The following SUN3 variants were observed in gnomAD, a reference collection of about 807,000 sequenced individuals.
The protein encoded by SUN3 is Sad1 and UNC84 domain containing 3, also known as SUN domain-containing protein 3.
SUN3 carries 36 observed loss-of-function variants against 48.2 expected under a neutral mutation model. That is an observed-to-expected ratio of 0.75 (90% CI 0.57 to 0.99). SUN3 has a LOEUF of 0.99. Ranked by LOEUF, SUN3 falls within the 50% of genes least tolerant of loss-of-function variation. SUN3 has a pLI of 0.00. For missense variants in SUN3, 419 were observed against 433.1 expected (o/e 0.97, Z 0.29); for synonymous variants, 148 against 147.9 (o/e 1.00, Z 0.00).
At chr7:47,993,455 C>T (rs955666965) in intron 8 of SUN3, among the ~76,000 whole-genome samples, 9 of 152,034 alleles carry the variant, frequency 5.9e-5, no homozygotes, top group Admixed American at 3.9e-4. Context: ...TATATCCATA[C>T]AATGAAATGT....
intron 6 of SUN3, among the ~76,000 whole-genome samples, chr7:48,003,630 A>G (rs538493222): frequency 1.3e-5 from 2 of 152,266 alleles, no homozygotes; most frequent in Admixed American, 1.3e-4. Flanking sequence ...CACCTCCAAA[A>G]TTAGCTGTAT....
the SUN3 span, among the ~76,000 whole-genome samples, chr7:48,034,186 C>T: frequency 6.6e-6 from 1 of 152,330 alleles, no homozygotes. Context: ...GTGGAACAAA[C>T]ATTTGACATT....
intron 6 of SUN3, among the ~76,000 whole-genome samples, chr7:47,996,999 A>C (rs1789231738): frequency 6.6e-6 from 1 of 151,956 alleles, no homozygotes; most frequent in Non-Finnish European, 1.5e-5. Flanking sequence ...ACAGGGTTTC[A>C]CCATGTTGGC....
At position 48,006,039 on chromosome 7, in the gene SUN3, C is replaced by G; in HGVS notation, c.507G>C (p.Leu169Phe). The G allele has an allele frequency of 6.2e-7, 1 of 1,606,698 alleles. No individual in the cohort carries two copies. Among genetic ancestry groups the G allele is most frequent in the Non-Finnish European group, 8.5e-7 (1 of 1,175,330 alleles). The change falls in exon 6 of 10, where the codon TTG becomes TTC. Residue 169 changes from leucine to phenylalanine, a missense_variant. Leu to Phe is a conservative substitution (Grantham distance 22). Transcript: ENST00000297325. Reference sequence around the variant, plus strand: ...TCAACTTTTTAAGTACATAATTGACCAAGTTTGACACTTCCTGTAGAAATT... The same window carrying G: ...TCAACTTTTTAAGTACATAATTGACGAAGTTTGACACTTCCTGTAGAAATT... ...DPDHTEEVSN[L>F]VNYVLKKLRE...
At chr7:47,995,412 G>C (rs990793798) in intron 7 of SUN3, among the ~76,000 whole-genome samples, 1 of 152,104 alleles carries the variant, frequency 6.6e-6, no homozygotes, top group African/African-American at 2.4e-5. Context: ...GAAAAATGAG[G>C]TCTACTACTT....
intron 6 of SUN3, among the ~76,000 whole-genome samples, chr7:48,000,930 CTCT>C (rs931353361): frequency 1.1e-4 from 17 of 149,206 alleles, no homozygotes; most frequent in African/African-American, 3.2e-4. Context: ...ATACATTGGT[CTCT>C]TCTTCATCTC....
intron 4 of SUN3, among the ~76,000 whole-genome samples, 163 bp from the exon 5 acceptor site, chr7:48,007,490 C>A (rs528390038): frequency 6.6e-6 from 1 of 152,052 alleles, no homozygotes; most frequent in East Asian, 1.9e-4. Flanking sequence ...TAAAGCATCA[C>A]GCTTCACTAA....
At chr7:48,004,353 T>A (rs1789466899) in intron 6 of SUN3, among the ~76,000 whole-genome samples, 1 of 152,250 alleles carries the variant, frequency 6.6e-6, no homozygotes, top group South Asian at 2.1e-4. Context: ...ATTTGCTTCA[T>A]CAATCAACCA....
At chr7:48,022,120 A>G (rs913381705) in intron 2 of SUN3, among the ~76,000 whole-genome samples, 1 of 152,160 alleles carries the variant, frequency 6.6e-6, no homozygotes, top group Non-Finnish European at 1.5e-5. Context: ...TTGCAACAAC[A>G]TGGATGGAAT....
At chr7:48,007,405 C>G in intron 4 of SUN3, 78 bp from the exon 5 acceptor site, 1 of 1,361,180 alleles carries the variant, frequency 7.3e-7, no homozygotes, top group Non-Finnish European at 1.0e-6. Flanking sequence ...CTCCACCCGC[C>G]ATGTGATGAG....
At chr7:48,008,103 C>T (rs1223802370) in intron 4 of SUN3, among the ~76,000 whole-genome samples, 2 of 152,148 alleles carry the variant, frequency 1.3e-5, no homozygotes, top group Non-Finnish European at 2.9e-5. Context: ...GGATTACAGG[C>T]GTGAGCCACC....
intron 7 of SUN3, among the ~76,000 whole-genome samples, chr7:47,995,038 G>A (rs1257680838): frequency 6.6e-6 from 1 of 152,140 alleles, no homozygotes; most frequent in Non-Finnish European, 1.5e-5. Context: ...CACCTAAAAA[G>A]GTGGTGGTAG....
At chr7:48,035,673 G>A in the SUN3 span, 1 of 633,548 alleles carries the variant, frequency 1.6e-6, no homozygotes, top group Non-Finnish European at 2.8e-6. The surrounding 1 kb of genome is among the most constrained non-coding windows in gnomAD (Gnocchi z 4.0). Flanking sequence ...CGCCCACTGT[G>A]GTCCCGGGCC....
intron 8 of SUN3, among the ~76,000 whole-genome samples, chr7:47,993,019 T>G (rs1056363452): frequency 6.6e-6 from 1 of 151,946 alleles, no homozygotes; most frequent in Non-Finnish European, 1.5e-5. Flanking sequence ...CCCACGAGTT[T>G]GAAGTTGCAG....
chr7:48,015,338 C>A (rs1205720354), intron 3 of SUN3, among the ~76,000 whole-genome samples: 1 of 152,174 alleles, frequency 6.6e-6, no homozygotes, highest in Non-Finnish European at 1.5e-5. Context: ...TGGGGTCTCA[C>A]AGATTCTCAG....
intron 2 of SUN3, 77 bp downstream of exon 2, chr7:48,025,800 A>T: frequency 2.0e-6 from 2 of 979,054 alleles, no homozygotes; most frequent in Non-Finnish European, 3.2e-6. Flanking sequence ...AATATGAGTC[A>T]TTCCGTTGAG....
At chr7:48,001,356 T>C (rs765944766) in intron 6 of SUN3, among the ~76,000 whole-genome samples, 73 of 152,228 alleles carry the variant, frequency 4.8e-4, no homozygotes, top group Non-Finnish European at 9.3e-4. Context: ...TCTATTCCTG[T>C]GTTAGTTTGC....
upstream of SUN3, among the ~76,000 whole-genome samples, chr7:48,031,423 C>T (rs1369383467): frequency 2.0e-5 from 3 of 152,150 alleles, no homozygotes; most frequent in Admixed American, 6.5e-5. Context: ...CCCAGCTACT[C>T]GGGATGCTGA....
chr7:47,996,972 T>C (rs1189333339), intron 6 of SUN3, among the ~76,000 whole-genome samples: 1 of 152,052 alleles, frequency 6.6e-6, no homozygotes, highest in Non-Finnish European at 1.5e-5. Context: ...GGCTAAGTTT[T>C]TGTATTTTTA....
Sources: gnomAD v4.1 joint callset for allele counts (sites outside exome capture counted in the v4.1 genomes callset) on GRCh38, gnomAD v4.1.1 for gene constraint, Gnocchi (gnomAD v3.1) non-coding constraint, MANE v1.5 for transcripts, NCBI Gene and HGNC (gene_info 2026-07-23, HGNC 2026-07-21) for gene names.